Variants in CAMK1D observed in about 807,000 individuals in gnomAD.
CAMK1D encodes calcium/calmodulin dependent protein kinase ID.
Under a neutral mutation model 47.7 loss-of-function variants are expected in CAMK1D, and 9 were observed. The ratio of observed to expected loss-of-function variants is 0.19; its 90% CI spans 0.11 to 0.33. The LOEUF (loss-of-function observed/expected upper bound fraction) is 0.33. Among genes scored for constraint, CAMK1D ranks in the 10% least tolerant of loss-of-function variants. The pLI, the probability that CAMK1D is intolerant of heterozygous loss-of-function variation, is 1.00. For missense variants in CAMK1D, 291 were observed against 488.7 expected (o/e 0.60, Z 3.81); for synonymous variants, 184 against 184.9 (o/e 0.99, Z 0.04).
intron 1 of CAMK1D, among the ~76,000 whole-genome samples, chr10:12,381,345 T>G (rs1056262684): frequency 6.7e-6 from 1 of 149,088 alleles, no homozygotes; most frequent in African/African-American, 2.4e-5. Context: ...ATGCTTTCTT[T>G]TTTTTTTTTT....
chr10:12,656,357 T>G (rs938317289), intron 2 of CAMK1D, among the ~76,000 whole-genome samples: 4 of 152,190 alleles, frequency 2.6e-5, no homozygotes, highest in African/African-American at 9.7e-5. Flanking sequence ...CTGGGTGTGG[T>G]GGCACATGCC....
chr10:12,680,740 A>G (rs1050321540), intron 3 of CAMK1D, among the ~76,000 whole-genome samples: 2 of 152,142 alleles, frequency 1.3e-5, no homozygotes, highest in Non-Finnish European at 2.9e-5. Context: ...GAATTCTGCT[A>G]GATCCCCTTT....
At chr10:12,616,883 T>G (rs560696179) in intron 2 of CAMK1D, among the ~76,000 whole-genome samples, 1 of 152,292 alleles carries the variant, frequency 6.6e-6, no homozygotes, top group East Asian at 1.9e-4. Context: ...GGTCTCTGTC[T>G]TGAGTCCATA....
chr10:12,726,079 T>C (rs930528789), intron 3 of CAMK1D, among the ~76,000 whole-genome samples: 2 of 151,960 alleles, frequency 1.3e-5, no homozygotes, highest in Admixed American at 6.6e-5. Flanking sequence ...ATATAGACTA[T>C]TTCTCTTTTT....
At chr10:12,711,737 C>T (rs1833945099) in intron 3 of CAMK1D, among the ~76,000 whole-genome samples, 1 of 152,172 alleles carries the variant, frequency 6.6e-6, no homozygotes. Context: ...TCTGTCCTTT[C>T]TAGCAGATCT....
chr10:12,727,795 G>A (rs1332329609), intron 3 of CAMK1D, among the ~76,000 whole-genome samples: 1 of 142,582 alleles, frequency 7.0e-6, no homozygotes, highest in Non-Finnish European at 1.5e-5. Flanking sequence ...ACTGAGTCTC[G>A]CTCTGTCACC....
chr10:12,666,722 ATTTT>A lies in CAMK1D; in HGVS notation c.225-7_225-4del. The A allele has an allele frequency of 1.4e-6, 2 of 1,408,000 alleles. No homozygotes were observed. The highest frequency in any genetic ancestry group is 1.9e-6 in the Non-Finnish European group (2 of 1,028,190). 87.2% of individuals were successfully genotyped at this position (1,408,000 alleles called of 1,614,324 possible). A position where few individuals can be genotyped will look rare whatever the true frequency, so the allele number is the denominator to read the frequency against. Reference sequence around the variant, plus strand: ...ATCATACTCACTATTTTGTGCGTCTATTTTTTTTTTCAGGATTAAGCATGAAAAT... The same window carrying A: ...ATCATACTCACTATTTTGTGCGTCTATTTTTTCAGGATTAAGCATGAAAAT... On this transcript the variant is annotated splice_polypyrimidine_tract_variant and intron_variant, in intron 2 of 10. Transcript: ENST00000619168.
intron 3 of CAMK1D, among the ~76,000 whole-genome samples, chr10:12,693,963 TAAAATATATAATATATATTATATATAC>T (rs1833047337): frequency 2.7e-5 from 1 of 37,086 alleles, no homozygotes; most frequent in South Asian, 1.2e-3. Context: ...ATATTATATA[TAAAATATATAATATATATTATATATAC>T]ATATAATATA....
intron 3 of CAMK1D, among the ~76,000 whole-genome samples, chr10:12,685,794 A>G (rs772489606): frequency 1.6e-4 from 25 of 152,354 alleles, no homozygotes; most frequent in Non-Finnish European, 2.4e-4. Flanking sequence ...GCGAGCGCCT[A>G]GAGACAGACT....
intron 1 of CAMK1D, among the ~76,000 whole-genome samples, chr10:12,431,342 C>A (rs577513193): frequency 6.6e-6 from 1 of 152,088 alleles, no homozygotes; most frequent in South Asian, 2.1e-4. Context: ...CAGGTGGAAA[C>A]GGAGATCAGC....
chr10:12,516,939 T>A (rs1835228315), intron 1 of CAMK1D, among the ~76,000 whole-genome samples: 3 of 152,232 alleles, frequency 2.0e-5, no homozygotes, highest in Admixed American at 6.5e-5. Flanking sequence ...GGGATTTGAA[T>A]TGGGATTGCA....
rs374810662 is a variant in CAMK1D, at chr10:12,756,788, C to T, written c.300-4160C>T. ...AAAAATACAAAAAAAATTAGCCGGG[C>T]GTGGTGGTGGCCACCTGTAGTCCCA... On this transcript the variant is annotated intron_variant, in intron 3 of 10. Transcript: ENST00000619168. Among the ~76,000 whole-genome samples the T allele has an allele frequency of 3.0e-3, 457 of 152,188 alleles. 2 individuals are homozygous for T. Among genetic ancestry groups the T allele is most frequent in the African/African-American group, 0.01 (425 of 41,538 alleles).
chr10:12,629,237 T>G (rs1839310196), intron 2 of CAMK1D, among the ~76,000 whole-genome samples: 1 of 152,188 alleles, frequency 6.6e-6, no homozygotes. Context: ...TGGGCTTTCT[T>G]CAGGACAGGA....
intron 3 of CAMK1D, among the ~76,000 whole-genome samples, chr10:12,744,583 A>G (rs556472904): frequency 2.6e-5 from 4 of 152,266 alleles, no homozygotes; most frequent in African/African-American, 4.8e-5. Flanking sequence ...CACTGGCAAC[A>G]AAGAAAGGCG....
intron 1 of CAMK1D, among the ~76,000 whole-genome samples, chr10:12,538,436 A>G (rs1382593161): frequency 6.6e-6 from 1 of 152,190 alleles, no homozygotes; most frequent in African/African-American, 2.4e-5. Context: ...ATCTGATTGA[A>G]CGGTGAAAAT....
chr10:12,777,763 T>G (rs750318612), intron 5 of CAMK1D, among the ~76,000 whole-genome samples: 1 of 152,212 alleles, frequency 6.6e-6, no homozygotes, highest in African/African-American at 2.4e-5. Context: ...TACACCAGCA[T>G]GATGTCCACC....
chr10:12,588,760 T>C (rs1212481118), intron 2 of CAMK1D, among the ~76,000 whole-genome samples: 3 of 151,804 alleles, frequency 2.0e-5, no homozygotes, highest in Non-Finnish European at 4.4e-5. Flanking sequence ...GAGAGTTGTG[T>C]CAATTTAAAG....
intron 9 of CAMK1D, 27 bp downstream of exon 9, chr10:12,824,579 C>G (rs770274557): frequency 6.4e-7 from 1 of 1,562,630 alleles, no homozygotes; most frequent in Non-Finnish European, 8.8e-7. Context: ...TGAAATTCCC[C>G]GTGGATTAAC....
intron 6 of CAMK1D, among the ~76,000 whole-genome samples, chr10:12,798,497 C>G (rs1434746442): frequency 6.6e-6 from 1 of 152,234 alleles, no homozygotes; most frequent in African/African-American, 2.4e-5. Flanking sequence ...AGAGCTGGGA[C>G]TCTGCCCTGG....
Sources: allele counts gnomAD v4.1 joint callset (sites outside exome capture counted in the v4.1 genomes callset), GRCh38; gene constraint gnomAD v4.1.1; transcripts MANE v1.5; gene names NCBI Gene and HGNC (gene_info 2026-07-23, HGNC 2026-07-21).